Variants in PCNX2 observed in about 807,000 individuals in gnomAD.
PCNX2 encodes the protein pecanex-like protein 2.
In PCNX2, 168 loss-of-function variants were observed where a neutral mutation model predicts 223.8. The observed-to-expected ratio is 0.75, with a 90% confidence interval of 0.66 to 0.85. The LOEUF (loss-of-function observed/expected upper bound fraction) is 0.85. PCNX2 is among the 40% of genes least tolerant of loss of function. The pLI is 0.00. For synonymous variants in PCNX2, 1,006 were observed against 1,052.6 expected, an observed-to-expected ratio of 0.96 and a Z score of 0.86; for missense variants, 2,507 against 2,675.5, an observed-to-expected ratio of 0.94 and a Z score of 1.39.
At chr1:233,281,983 C>A (rs1420188203) in intron 1 of PCNX2, among the ~76,000 whole-genome samples, 3 of 152,146 alleles carry the variant, frequency 2.0e-5, no homozygotes, top group Non-Finnish European at 4.4e-5. Flanking sequence ...AAACCTCTCT[C>A]CAGATAGTGT....
chr1:233,024,819 T>C (rs1180677529), intron 26 of PCNX2, among the ~76,000 whole-genome samples: 1 of 152,180 alleles, frequency 6.6e-6, no homozygotes, highest in Non-Finnish European at 1.5e-5. Flanking sequence ...ACATGGAGGC[T>C]TAGAAATATT....
At chr1:233,155,913 T>C (rs775467271) in intron 19 of PCNX2, among the ~76,000 whole-genome samples, 1 of 152,194 alleles carries the variant, frequency 6.6e-6, no homozygotes, top group Non-Finnish European at 1.5e-5. Context: ...TAGAATAATA[T>C]GCAGTTGCCT....
intron 8 of PCNX2, among the ~76,000 whole-genome samples, chr1:233,245,642 G>A (rs575954212): frequency 6.6e-5 from 10 of 152,320 alleles, no homozygotes; most frequent in African/African-American, 2.2e-4. Context: ...TCGGCTGGGC[G>A]TGGTGACTCA....
chr1:233,177,991 G>A (rs1273648933), intron 16 of PCNX2, 93 bp from the exon 17 acceptor site: 8 of 896,574 alleles, frequency 8.9e-6, no homozygotes, highest in African/African-American at 8.4e-5. Flanking sequence ...ACCCACACAT[G>A]ACAAAAACAA....
chr1:233,080,754 G>T (rs1673322790), intron 23 of PCNX2, among the ~76,000 whole-genome samples: 1 of 152,050 alleles, frequency 6.6e-6, no homozygotes, highest in African/African-American at 2.4e-5. Flanking sequence ...TCGCACTGTG[G>T]GTCAGCATTT....
Position 232,999,120 on chromosome 1 carries a change from C to A in PCNX2, c.5588G>T (p.Trp1863Leu). Residue 1863 changes from tryptophan (W) to leucine (L), a missense_variant, in exon 31 of 34, where the codon TGG becomes TTG. By Grantham distance (61) the Trp-to-Leu change is moderately conservative. Transcript: ENST00000258229. ...ITLDRIRTWF[W>L]TKWVRMRKDC... ...AAAAACTTACCTTACCCACTTGGTC[C>A]AGAACCAGGTCCTAATTCTGTCCAA... 6.2e-7 allele frequency: 1 copy of A among 1,609,752 alleles called. No individual in the cohort carries two copies. The highest frequency in any genetic ancestry group is 8.5e-7 in the Non-Finnish European group (1 of 1,176,764).
At chr1:233,248,646 C>T (rs1401674888) in intron 8 of PCNX2, among the ~76,000 whole-genome samples, 3 of 152,122 alleles carry the variant, frequency 2.0e-5, no homozygotes, top group Admixed American at 2.0e-4. Flanking sequence ...TCAGTTACAT[C>T]ACCGCAAAAT....
intron 1 of PCNX2, chr1:233,291,191 A>T (rs899994470): frequency 1.8e-5 from 12 of 681,044 alleles, no homozygotes; most frequent in Non-Finnish European, 2.2e-5. Context: ...CTGTGGGCAA[A>T]TAGCTGACTC....
At chr1:233,245,265 A>C (rs1221956112) in intron 8 of PCNX2, among the ~76,000 whole-genome samples, 1 of 152,284 alleles carries the variant, frequency 6.6e-6, no homozygotes, top group African/African-American at 2.4e-5. Flanking sequence ...CCCTCTACAA[A>C]TAAATGAGAT....
intron 17 of PCNX2, among the ~76,000 whole-genome samples, chr1:233,173,235 G>A (rs969759566): frequency 1.3e-5 from 2 of 151,296 alleles, no homozygotes; most frequent in African/African-American, 2.4e-5. Context: ...GCAGTGGCGC[G>A]ATCTCGCTGC....
intron 15 of PCNX2, among the ~76,000 whole-genome samples, chr1:233,193,798 T>G (rs1680556786): frequency 6.6e-6 from 1 of 152,102 alleles, no homozygotes; most frequent in Non-Finnish European, 1.5e-5. Flanking sequence ...ATCATCGGAC[T>G]AGACACAGCA....
Position 233,258,439 on chromosome 1 carries a change from C to G in PCNX2, c.1423G>C (p.Gly475Arg), listed in dbSNP as rs370098262. The change falls in exon 5 of 34, where the codon GGG (glycine) becomes CGG (arginine). Residue 475 changes from glycine (G) to arginine (R), a missense_variant. Physicochemically the swap from Gly to Arg is moderately radical, Grantham distance 125. Transcript: ENST00000258229. ...CTGTGATCCTTGATGGCATTTCCCC[C>G]CTCCCCAGATCCGTAGCCAGAACAC... ...NQCSGYGSGE[G>R]GNAIKDHSSS... 38 of 1,613,798 alleles carry G rather than the reference C, an allele frequency of 2.4e-5. No individual in the cohort carries two copies. Among genetic ancestry groups the G allele is most frequent in the African/African-American group, 1.6e-4 (12 of 74,920 alleles).
intron 25 of PCNX2, among the ~76,000 whole-genome samples, chr1:233,039,477 A>G (rs1477802846): frequency 6.6e-6 from 1 of 152,210 alleles, no homozygotes; most frequent in Non-Finnish European, 1.5e-5. Context: ...AAGTAAAGAA[A>G]CTAATATGGT....
chr1:233,093,063 T>C (rs1204616147), intron 22 of PCNX2, among the ~76,000 whole-genome samples: 2 of 152,220 alleles, frequency 1.3e-5, no homozygotes, highest in African/African-American at 2.4e-5. Flanking sequence ...CCTCCCAAAG[T>C]GCTGGGATTA....
intron 26 of PCNX2, 92 bp downstream of exon 26, chr1:233,025,054 G>C (rs1671031781): frequency 2.0e-6 from 3 of 1,514,642 alleles, no homozygotes; most frequent in Non-Finnish European, 2.7e-6. Context: ...AGGATGACAG[G>C]CTTCAAAATT....
chr1:233,285,384 T>C (rs533689537), intron 1 of PCNX2, among the ~76,000 whole-genome samples: 3 of 151,986 alleles, frequency 2.0e-5, no homozygotes, highest in African/African-American at 7.2e-5. Flanking sequence ...AAATTAAAAA[T>C]AAACTTGGTG....
chr1:233,114,670 G>T (rs1191417293), intron 21 of PCNX2, among the ~76,000 whole-genome samples: 1 of 152,202 alleles, frequency 6.6e-6, no homozygotes, highest in East Asian at 1.9e-4. Flanking sequence ...TGATATTGCA[G>T]CGGTCACAGA....
At chr1:233,072,240 T>C (rs1278653756) in intron 23 of PCNX2, among the ~76,000 whole-genome samples, 1 of 152,242 alleles carries the variant, frequency 6.6e-6, no homozygotes, top group Non-Finnish European at 1.5e-5. Context: ...AAAATGGTAT[T>C]GCCTAGGTTG....
chr1:233,000,470 G>A lies in PCNX2; in HGVS notation c.5163C>T (p.Phe1721=), dbSNP rs1237751906. 22 of 1,597,552 alleles carry A rather than the reference G, an allele frequency of 1.4e-5. No homozygotes were observed. The highest frequency in any genetic ancestry group is 3.4e-5 in the Admixed American group (2 of 58,556). Reference sequence around the variant, plus strand: ...CGTGGCAGATGACCACCTTCTTCTCGAAGGACTGGATGGCCTCGTAGAGGA... The same window carrying A: ...CGTGGCAGATGACCACCTTCTTCTCAAAGGACTGGATGGCCTCGTAGAGGA... The part of the protein sequence containing the change: ...PAVLYEAIQS[F]EKKVVICHEG... Residue 1721 remains phenylalanine, a synonymous_variant, in exon 30 of 34, where the codon TTC becomes TTT. Coordinates refer to ENST00000258229, the MANE Select transcript of PCNX2 (RefSeq NM_014801.4). The surrounding 1 kb of genome is among the most constrained non-coding windows in gnomAD (Gnocchi z 4.6).
Sources: gnomAD v4.1 joint callset for allele counts (sites outside exome capture counted in the v4.1 genomes callset) on GRCh38, gnomAD v4.1.1 for gene constraint, Gnocchi (gnomAD v3.1) non-coding constraint, MANE v1.5 for transcripts, NCBI Gene and HGNC (gene_info 2026-07-23, HGNC 2026-07-21) for gene names.